Variants in GNAI2 observed in about 807,000 individuals in gnomAD.
The protein encoded by GNAI2 is G protein subunit alpha i2.
GNAI2 carries 4 observed loss-of-function variants against 36.8 expected under a neutral mutation model. The ratio of observed to expected loss-of-function variants is 0.11; its 90% CI spans 0.05 to 0.25. GNAI2 has a LOEUF of 0.25. GNAI2 is among the 10% of genes least tolerant of loss of function. The pLI is 1.00. For missense variants in GNAI2, 230 were observed against 481.3 expected, an observed-to-expected ratio of 0.48 and a Z score of 4.89; for synonymous variants, 194 against 194.1, an observed-to-expected ratio of 1.00 and a Z score of 0.01.
At position 50,252,297 on chromosome 3, in the gene GNAI2, G is replaced by A; in HGVS notation, c.162-100G>A. The A allele has an allele frequency of 7.0e-7, 1 of 1,437,168 alleles. No homozygotes were observed. The allele number at this position is 1,437,168 out of a possible 1,614,324, so 89.0% of individuals were successfully genotyped here. A position where few individuals can be genotyped will look rare whatever the true frequency, so the allele number is the denominator to read the frequency against. ...ACCCTCAGGTCCCAGTGGGTCAGGG[G>A]CAGTTTTCCCTTCTCTGAAGCAGGT... On this transcript the variant is annotated intron_variant, in intron 2 of 8. Transcript: ENST00000313601. This position sits in a 1 kb window ranked among gnomAD's most constrained non-coding sequence, Gnocchi z 4.1.
At chr3:50,247,188 T>C in intron 1 of GNAI2, 1 of 666,366 alleles carries the variant, frequency 1.5e-6, no homozygotes. Context: ...TCCTTACCCA[T>C]CTCTCAGAAG....
chr3:50,251,749 C>T (rs782809477), intron 1 of GNAI2: 18 of 1,313,646 alleles, frequency 1.4e-5, no homozygotes, highest in East Asian at 4.4e-5. Context: ...CACAGGTTGG[C>T]GAGCCTATGT....
chr3:50,227,481 G>A (rs939451166), upstream of GNAI2: 2 of 267,928 alleles, frequency 7.5e-6, no homozygotes, highest in Non-Finnish European at 1.4e-5. The surrounding 1 kb of genome is among the most constrained non-coding windows in gnomAD (Gnocchi z 5.9). Context: ...CGGCTCCCGC[G>A]CCGCACCCCA....
chr3:50,257,762 C>T, intron 8 of GNAI2, 48 bp downstream of exon 8: 1 of 1,037,894 alleles, frequency 9.6e-7, no homozygotes, highest in Non-Finnish European at 1.4e-6. Flanking sequence ...ACTAAGCGGG[C>T]CTGGAGCCCC....
intron 1 of GNAI2, among the ~76,000 whole-genome samples, chr3:50,237,897 G>A (rs1700215770): frequency 6.6e-6 from 1 of 152,242 alleles, no homozygotes. Context: ...AGGGCTTTTC[G>A]TGCTGGACCT....
At position 50,241,252 on chromosome 3, in the gene GNAI2, C is replaced by G. The variant is rs1289851564; in HGVS notation, c.118+4799C>G. Among the ~76,000 whole-genome samples the G allele has an allele frequency of 1.3e-5, 2 of 152,240 alleles. No individual in the cohort carries two copies. Among genetic ancestry groups the G allele is most frequent in the Non-Finnish European group, 2.9e-5 (2 of 68,042 alleles). ...CCCCTACACTCTACCCCAGCCCTCT[C>G]CTTCACTGCTGGAGCTCATTAGCAC... On this transcript the variant is annotated intron_variant, in intron 1 of 8. Coordinates refer to ENST00000313601, the MANE Select transcript of GNAI2 (RefSeq NM_002070.4). This position sits in a 1 kb window ranked among gnomAD's most constrained non-coding sequence, Gnocchi z 5.0.
At chr3:50,257,424 CAG>C in intron 7 of GNAI2, 74 bp from the exon 8 acceptor site, 4 of 1,004,104 alleles carry the variant, frequency 4.0e-6, no homozygotes, top group Non-Finnish European at 5.9e-6. Context: ...TCCACACGCA[CAG>C]ACCCTTGCTG....
In GNAI2 at chr3:50,238,402, A is replaced by G. The variant is rs1700231034; in HGVS notation, c.118+1949A>G. 6.6e-6 allele frequency: 1 copy of G among 152,256 alleles called. No individual in the cohort carries two copies. Among genetic ancestry groups the G allele is most frequent in the African/African-American group, 2.4e-5 (1 of 41,430 alleles). The allele number at this position is 152,256 out of a possible 1,614,324, so 9.4% of individuals were successfully genotyped here. On this transcript the variant is annotated intron_variant, in intron 1 of 8. Transcript: ENST00000313601. This position sits in a 1 kb window ranked among gnomAD's most constrained non-coding sequence, Gnocchi z 5.0. ...AGGCCTGCTCCTTGGAGCCCAGCTC[A>G]CCTTTTGGGCTAAGGCAAGTGAGAC... is the stretch of plus-strand genomic sequence containing the variant.
rs781788131 is a variant in GNAI2 at position 50,242,240 on chromosome 3, C to T, written c.118+5787C>T. Among the ~76,000 whole-genome samples the T allele has an allele frequency of 6.6e-5, 10 of 152,144 alleles. No individual in the cohort carries two copies. The highest frequency in any genetic ancestry group is 9.7e-5 in the African/African-American group (4 of 41,412). ...AGAGGAGGAGACTGTCACCCCAGAG[C>T]CTGAGTGCTGCCTCCCCTACATCCC... On this transcript the variant is annotated intron_variant, in intron 1 of 8. Transcript: ENST00000313601. This position sits in a 1 kb window ranked among gnomAD's most constrained non-coding sequence, Gnocchi z 4.8.
Position 50,257,688 on chromosome 3 carries a change from T to C in GNAI2, c.1066T>C (p.Ter356ArgextTer75). 6.5e-7 allele frequency: 1 copy of C among 1,547,276 alleles called. No individual in the cohort carries two copies. Among genetic ancestry groups the C allele is most frequent in the Non-Finnish European group, 8.8e-7 (1 of 1,141,980 alleles). The change falls in exon 8 of 9, where the codon TGA (stop) becomes CGA (arginine). Residue 356 changes from the stop codon to arginine (R), a stop_lost. Transcript: ENST00000313601. ...KNNLKDCGLF* is the reference protein window; with the variant it reads ...KNNLKDCGLFR ...CAACCTGAAGGACTGCGGCCTCTTC[T>C]GAGGGGCAGCGGGGCCTGGCGGGAT... is the stretch of plus-strand genomic sequence containing the variant.
At chr3:50,257,117 C>T (rs1242239854) in intron 7 of GNAI2, 27 bp downstream of exon 7, 2 of 1,604,388 alleles carry the variant, frequency 1.2e-6, no homozygotes, top group Middle Eastern at 1.7e-4. Context: ...GATAGGGCCT[C>T]CAGAGGGTTG....
rs1700769682 is a variant in GNAI2 at position 50,258,542 on chromosome 3, G to A, written c.*199G>A. On this transcript the variant is annotated 3_prime_UTR_variant, in exon 9 of 9. Transcript: ENST00000313601. ...GTTGCCACAGGCCTCCCTGTTTGAA[G>A]CCTGCCCTTGTCTGAGATGCTGGTA... is the stretch of plus-strand genomic sequence containing the variant. 1.1e-5 allele frequency: 2 copies of A among 176,984 alleles called. No homozygotes were observed. The highest frequency in any genetic ancestry group is 2.1e-4 in the South Asian group (2 of 9,756). The allele number at this position is 176,984 out of a possible 1,614,324, so 11.0% of individuals were successfully genotyped here. A position where few individuals can be genotyped will look rare whatever the true frequency, so the allele number is the denominator to read the frequency against.
At chr3:50,230,698 G>C, upstream of GNAI2, 1 of 514,122 alleles carries the variant, frequency 1.9e-6, no homozygotes, top group Non-Finnish European at 2.5e-6. Flanking sequence ...ACCAGCAGCT[G>C]CCACTTCTCC....
upstream of GNAI2, among the ~76,000 whole-genome samples, chr3:50,231,210 G>A (rs587750562): frequency 5.1e-4 from 78 of 152,180 alleles, no homozygotes; most frequent in African/African-American, 1.7e-3. Context: ...TTTTCTCTGC[G>A]TATACAACTA....
chr3:50,245,108 C>G (rs868972807), intron 1 of GNAI2, among the ~76,000 whole-genome samples: 2 of 152,032 alleles, frequency 1.3e-5, no homozygotes, highest in Non-Finnish European at 2.9e-5. Context: ...AAGTGATTCT[C>G]CTGCCTCAGC....
chr3:50,249,141 G>A (rs940709290), intron 1 of GNAI2, among the ~76,000 whole-genome samples: 2 of 152,144 alleles, frequency 1.3e-5, no homozygotes, highest in Non-Finnish European at 2.9e-5. Flanking sequence ...CCATGCCCTG[G>A]GTAGCTTCCC....
chr3:50,229,362 C>T (rs1450560085), upstream of GNAI2: 1 of 152,230 alleles, frequency 6.6e-6, no homozygotes, highest in Non-Finnish European at 1.5e-5. Context: ...GGCCCCAAAG[C>T]CCTGAGAGCT....
Position 50,252,342 on chromosome 3 carries a change from C to A in GNAI2, c.162-55C>A. On this transcript the variant is annotated intron_variant, in intron 2 of 8. Coordinates refer to ENST00000313601, the MANE Select transcript of GNAI2 (RefSeq NM_002070.4). The surrounding 1 kb of genome is among the most constrained non-coding windows in gnomAD (Gnocchi z 4.1). The stretch of plus-strand genomic sequence containing the variant: ...GCAGGTCCCAGTAGCCCCAGGCAGC[C>A]GTGGGAACTCCCAGTGCCCAGGGGA... 2 of 1,588,646 alleles carry A rather than the reference C, an allele frequency of 1.3e-6. No homozygotes were observed. The highest frequency in any genetic ancestry group is 1.7e-6 in the Non-Finnish European group (2 of 1,158,434).
intron 1 of GNAI2, among the ~76,000 whole-genome samples, chr3:50,244,321 G>A (rs1575444964): frequency 6.6e-6 from 1 of 152,148 alleles, no homozygotes; most frequent in African/African-American, 2.4e-5. Flanking sequence ...GAGCCACTGC[G>A]CCCGGCTGCA....
Sources: allele counts gnomAD v4.1 joint callset (sites outside exome capture counted in the v4.1 genomes callset), GRCh38; gene constraint gnomAD v4.1.1; non-coding constraint Gnocchi (gnomAD v3.1); transcripts MANE v1.5; gene names NCBI Gene and HGNC (gene_info 2026-07-23, HGNC 2026-07-21).